FBXO33: variants seen among roughly 807,000 people sequenced by gnomAD.
The protein encoded by FBXO33 is F-box only protein 33.
In FBXO33, 22 loss-of-function variants were observed where a neutral mutation model predicts 46.3. That is an observed-to-expected ratio of 0.48 (90% CI 0.34 to 0.68). The LOEUF (loss-of-function observed/expected upper bound fraction) is 0.68. Among genes scored for constraint, FBXO33 ranks in the 30% least tolerant of loss-of-function variants. The pLI is 0.01. For synonymous variants in FBXO33, 337 were observed against 291.3 expected (o/e 1.16, Z -1.60); for missense variants, 692 against 708.8 (o/e 0.98, Z 0.27).
At chr14:39,427,017 T>C (rs1453883693) in intron 1 of FBXO33, among the ~76,000 whole-genome samples, 2 of 152,200 alleles carry the variant, frequency 1.3e-5, no homozygotes. Flanking sequence ...GAAAAAACCC[T>C]AGATTTTCTA....
chr14:39,411,885 T>C (rs2075424997), intron 1 of FBXO33, among the ~76,000 whole-genome samples: 1 of 152,232 alleles, frequency 6.6e-6, no homozygotes, highest in African/African-American at 2.4e-5. Context: ...TTTCCTTTTA[T>C]TGATTTCCAG....
chr14:39,404,981 T>C (rs2075387273), intron 1 of FBXO33, among the ~76,000 whole-genome samples: 1 of 151,986 alleles, frequency 6.6e-6, no homozygotes, highest in Admixed American at 6.5e-5. Context: ...ACCCCATGTC[T>C]AATAAAAATA....
At chr14:39,402,706 G>A (rs1444740418) in intron 1 of FBXO33, among the ~76,000 whole-genome samples, 195 bp from the exon 2 acceptor site, 11 of 139,566 alleles carry the variant, frequency 7.9e-5, no homozygotes, top group Admixed American at 3.7e-4. Context: ...TTTTTGAGAC[G>A]GAGTCTTGCT....
chr14:39,411,172 T>TG (rs1206885746), intron 1 of FBXO33, among the ~76,000 whole-genome samples: 8 of 152,094 alleles, frequency 5.3e-5, no homozygotes, highest in African/African-American at 1.9e-4. Context: ...CTTGGCTCAC[T>TG]GCACCCTCCG....
intron 1 of FBXO33, among the ~76,000 whole-genome samples, chr14:39,410,973 C>CT (rs34548662): frequency 0.26 from 40,231 of 151,960 alleles, 5,580 homozygotes; most frequent in East Asian, 0.5. Context: ...CTTACTACCG[C>CT]TTTTTCTAGT....
chr14:39,422,617 G>C (rs2075490785), intron 1 of FBXO33, among the ~76,000 whole-genome samples: 1 of 152,120 alleles, frequency 6.6e-6, no homozygotes, highest in Non-Finnish European at 1.5e-5. Flanking sequence ...TCCATGCTGT[G>C]TCTTTTTCTT....
intron 1 of FBXO33, among the ~76,000 whole-genome samples, chr14:39,402,844 G>C (rs1049039223): frequency 6.6e-6 from 1 of 151,842 alleles, no homozygotes; most frequent in African/African-American, 2.4e-5. Flanking sequence ...CACCATGCCC[G>C]GCTAATTTTT....
At chr14:39,412,236 G>A (rs2075426778) in intron 1 of FBXO33, among the ~76,000 whole-genome samples, 2 of 152,070 alleles carry the variant, frequency 1.3e-5, no homozygotes, top group Admixed American at 6.5e-5. Flanking sequence ...ATATTTAGGT[G>A]CCCTCATACT....
chr14:39,415,463 C>A (rs1201706303), intron 1 of FBXO33, among the ~76,000 whole-genome samples: 1 of 152,034 alleles, frequency 6.6e-6, no homozygotes, highest in Admixed American at 6.6e-5. Flanking sequence ...TAAAATGAAT[C>A]ATAACAAAAC....
At chr14:39,401,116 T>G (rs1419740528) in intron 3 of FBXO33, 60 bp downstream of exon 3, 1 of 1,455,990 alleles carries the variant, frequency 6.9e-7, no homozygotes, top group East Asian at 2.3e-5. Context: ...ATCTCTTTAC[T>G]GGCAGAAAAT....
chr14:39,428,719 T>C (rs184214123), intron 1 of FBXO33, among the ~76,000 whole-genome samples: 54 of 152,314 alleles, frequency 3.5e-4, no homozygotes, highest in African/African-American at 1.2e-3. Context: ...GAGTCTGAAA[T>C]ACAGCATTTT....
intron 1 of FBXO33, among the ~76,000 whole-genome samples, chr14:39,421,198 T>C (rs1358324028): frequency 6.6e-6 from 1 of 152,234 alleles, no homozygotes. Flanking sequence ...ACAAAAATTC[T>C]CCTTTTGAGG....
chr14:39,426,324 C>G (rs1247625044), intron 1 of FBXO33, among the ~76,000 whole-genome samples: 4 of 152,026 alleles, frequency 2.6e-5, no homozygotes, highest in African/African-American at 9.7e-5. Flanking sequence ...AATCCATCCA[C>G]TTTTTTTCAT....
intron 1 of FBXO33, among the ~76,000 whole-genome samples, chr14:39,414,011 CT>C (rs1348997306): frequency 6.6e-6 from 1 of 152,208 alleles, no homozygotes; most frequent in Middle Eastern, 3.2e-3. Flanking sequence ...GAGAGTCAGC[CT>C]GTCTTTTGAC....
chr14:39,412,593 GTTTT>G (rs906437704), intron 1 of FBXO33, among the ~76,000 whole-genome samples: 1 of 150,572 alleles, frequency 6.6e-6, no homozygotes, highest in African/African-American at 2.4e-5. Flanking sequence ...TTTGTTCGTA[GTTTT>G]TTTCATTCCT....
At chr14:39,429,973 G>A (rs2075534896) in intron 1 of FBXO33, among the ~76,000 whole-genome samples, 2 of 152,324 alleles carry the variant, frequency 1.3e-5, no homozygotes, top group South Asian at 4.1e-4. Context: ...CACTTATCAA[G>A]TCTTGTTCTT....
chr14:39,400,789 T>G (rs2075365084), intron 3 of FBXO33, among the ~76,000 whole-genome samples: 1 of 152,152 alleles, frequency 6.6e-6, no homozygotes, highest in Non-Finnish European at 1.5e-5. Context: ...ACCAAGAATC[T>G]AAAAGATGAG....
chr14:39,411,085 T>A (rs536598532), intron 1 of FBXO33, among the ~76,000 whole-genome samples: 107 of 152,246 alleles, frequency 7.0e-4, no homozygotes, highest in African/African-American at 2.3e-3. Context: ...AGTTACGTTG[T>A]ATGAAATTTT....
At chr14:39,421,278 C>T (rs900708712) in intron 1 of FBXO33, among the ~76,000 whole-genome samples, 1 of 152,170 alleles carries the variant, frequency 6.6e-6, no homozygotes, top group South Asian at 2.1e-4. Context: ...TAAAAGGTAG[C>T]CCAACTCTGG....
Sources: allele counts gnomAD v4.1 joint callset (sites outside exome capture counted in the v4.1 genomes callset), GRCh38; gene constraint gnomAD v4.1.1; transcripts MANE v1.5; gene names NCBI Gene and HGNC (gene_info 2026-07-23, HGNC 2026-07-21).